The following DBH variants were observed in gnomAD, a reference collection of about 807,000 sequenced individuals.
DBH encodes dopamine beta-hydroxylase (dopamine beta-monooxygenase).
A neutral mutation model predicts 64.0 loss-of-function variants in DBH; 49 were observed. The observed-to-expected ratio is 0.77, with a 90% confidence interval of 0.61 to 0.97. The LOEUF is 0.97. Ranked by LOEUF, DBH falls within the 50% of genes least tolerant of loss-of-function variation. DBH has a pLI of 0.00. For missense variants in DBH, 828 were observed against 826.6 expected (o/e 1.00, Z -0.02); for synonymous variants, 343 against 347.1 (o/e 0.99, Z 0.13).
chr9:133,639,301 G>A (rs1832088991), intron 1 of DBH, among the ~76,000 whole-genome samples: 1 of 151,772 alleles, frequency 6.6e-6, no homozygotes, highest in Non-Finnish European at 1.5e-5. Context: ...TCAGGGTTGT[G>A]CCAGTGCAGG....
At position 133,644,313 on chromosome 9, in the gene DBH, G is replaced by C; in HGVS notation, c.1017G>C (p.Val339=). 2 of 1,613,796 alleles carry C rather than the reference G, an allele frequency of 1.2e-6. No individual in the cohort carries two copies. The highest frequency in any genetic ancestry group is 1.7e-6 in the Non-Finnish European group (2 of 1,179,674). ...RLEVHYHNPL[V]IEGRNDSSGI... is the part of the protein sequence containing the mutation. ...AAGTTCACTACCACAACCCACTGGT[G>C]ATAGAAGGTAGGCGGCTCTGCTGCC... is the stretch of plus-strand genomic sequence containing the variant. Residue 339 remains valine (V), a synonymous_variant, in exon 5 of 12, where the codon GTG becomes GTC. Coordinates refer to ENST00000393056, the MANE Select transcript of DBH (RefSeq NM_000787.4).
chr9:133,639,089 C>CA (rs1832086151), intron 1 of DBH, among the ~76,000 whole-genome samples: 1 of 152,034 alleles, frequency 6.6e-6, no homozygotes, highest in Non-Finnish European at 1.5e-5. Context: ...GCCTAGGCTG[C>CA]AGGGTTTAAA....
chr9:133,651,060 T>A (rs918411548), intron 6 of DBH, among the ~76,000 whole-genome samples: 1 of 152,218 alleles, frequency 6.6e-6, no homozygotes, highest in African/African-American at 2.4e-5. Context: ...ACCTTCCAGT[T>A]GTAGCTACAG....
At chr9:133,658,288 AGT>A in intron 11 of DBH, 26 bp from the exon 12 acceptor site, 4 of 1,613,042 alleles carry the variant, frequency 2.5e-6, no homozygotes, top group Non-Finnish European at 2.5e-6. Flanking sequence ...CTCCAGCCTC[AGT>A]TTACCTCCTG....
At position 133,658,595 on chromosome 9, in the gene DBH, C is replaced by A; in HGVS notation, c.*148C>A. 1 of 937,048 alleles carries A rather than the reference C, an allele frequency of 1.1e-6. No individual in the cohort carries two copies. Among genetic ancestry groups the A allele is most frequent in the Non-Finnish European group, 1.5e-6 (1 of 654,836 alleles). 58.0% of individuals were successfully genotyped at this position (937,048 alleles called of 1,614,324 possible). ...CACGCCCCTGCCTGAGACCACGGTC[C>A]AATCCAGCCTTCTTCCCCCAGGGTC... On this transcript the variant is annotated 3_prime_UTR_variant, in exon 12 of 12. Transcript: ENST00000393056.
chr9:133,652,042 G>A (rs1832255929), intron 7 of DBH, among the ~76,000 whole-genome samples: 1 of 152,186 alleles, frequency 6.6e-6, no homozygotes, highest in South Asian at 2.1e-4. Context: ...TCTTGGTCTT[G>A]GATAACCACC....
At position 133,642,303 on chromosome 9, in the gene DBH, G is replaced by T. The variant is rs145059403; in HGVS notation, c.583G>T (p.Val195Leu). 2 of 1,614,120 alleles carry T rather than the reference G, an allele frequency of 1.2e-6. No homozygotes were observed. The highest frequency in any genetic ancestry group is 1.7e-6 in the Non-Finnish European group (2 of 1,180,012). ...GGGCCTGCAGATGGGGCTGCAGAGGGTGCAGCTCCTGAAGCCCAATATCCC... is the reference window on the plus strand; with the variant it reads ...GGGCCTGCAGATGGGGCTGCAGAGGTTGCAGCTCCTGAAGCCCAATATCCC... Reference protein sequence around the residue: ...GSGLQMGLQRVQLLKPNIPEP... With the variant: ...GSGLQMGLQRLQLLKPNIPEP... The change falls in exon 3 of 12, where the codon GTG becomes TTG. Residue 195 changes from valine (V) to leucine (L), a missense_variant. Val to Leu is a conservative substitution (Grantham distance 32). Transcript: ENST00000393056.
chr9:133,645,261 C>A (rs1381170502), intron 5 of DBH, among the ~76,000 whole-genome samples: 3 of 150,770 alleles, frequency 2.0e-5, no homozygotes, highest in African/African-American at 7.3e-5. Context: ...TTTTTCCTGG[C>A]TGCATAAGTA....
Position 133,639,866 on chromosome 9 carries a change from G to A in DBH, c.360G>A (p.Lys120=). The A allele has an allele frequency of 1.2e-6, 2 of 1,612,094 alleles. No homozygotes were observed. The highest frequency in any genetic ancestry group is 8.5e-7 in the Non-Finnish European group (1 of 1,179,448). The part of the protein sequence containing the change: ...AYFADAWSDQ[K]GQIHLDPQQD... ...TGCAGGACGCCTGGAGTGACCAGAAGGGGCAGATCCACCTGGATCCCCAGC... is the reference window on the plus strand; with the variant it reads ...TGCAGGACGCCTGGAGTGACCAGAAAGGGCAGATCCACCTGGATCCCCAGC... The change falls in exon 2 of 12, where the codon AAG becomes AAA. Residue 120 remains lysine (K), a synonymous_variant. Coordinates refer to ENST00000393056, the MANE Select transcript of DBH (RefSeq NM_000787.4).
In DBH at chr9:133,656,881, G is replaced by A. The variant is rs927144470; in HGVS notation, c.1563-189G>A. On this transcript the variant is annotated intron_variant, in intron 10 of 11. Transcript: ENST00000393056. ...CATTACCCACCCGCCAAGGTGACAG[G>A]AGAGGTGAGGCCGTTGCCGGTGAAG... is the stretch of plus-strand genomic sequence containing the variant. Among the ~76,000 whole-genome samples, 14 of 152,208 alleles carry A rather than the reference G, an allele frequency of 9.2e-5. No homozygotes were observed. In the East Asian group the frequency reaches 2.3e-3, roughly 25 times the overall value.
At chr9:133,653,702 A>G (rs946070649) in intron 9 of DBH, among the ~76,000 whole-genome samples, 5 of 152,220 alleles carry the variant, frequency 3.3e-5, no homozygotes, top group Non-Finnish European at 5.9e-5. Context: ...GACTGCAGAC[A>G]GTTCAAGGAG....
rs938789515 is a variant in DBH, at chr9:133,656,339, G to A, written c.1435-184G>A. Reference sequence around the variant, plus strand: ...TTCCTGGTTGACTCACTCACTCACTGCCTGTCTCTCCTGCCAATGGTGGCA... The same window carrying A: ...TTCCTGGTTGACTCACTCACTCACTACCTGTCTCTCCTGCCAATGGTGGCA... On this transcript the variant is annotated intron_variant, in intron 9 of 11. Transcript: ENST00000393056. 53 of 703,764 alleles carry A rather than the reference G, an allele frequency of 7.5e-5. No homozygotes were observed. In the South Asian group the frequency reaches 8.7e-4, roughly 12 times the overall value. The allele number at this position is 703,764 out of a possible 1,614,324, so 43.6% of individuals were successfully genotyped here.
At chr9:133,658,200 T>G in intron 11 of DBH, 116 bp from the exon 12 acceptor site, 3 of 1,419,076 alleles carry the variant, frequency 2.1e-6, no homozygotes, top group Non-Finnish European at 3.0e-6. Flanking sequence ...GAGTTCAGTT[T>G]GAGACAAGCT....
chr9:133,636,533 C>A lies in DBH; in HGVS notation c.162C>A (p.Asp54Glu). Residue 54 changes from aspartate (D) to glutamate (E), a missense_variant, in exon 1 of 12, where the codon GAC (aspartate) becomes GAA (glutamate). Coordinates refer to ENST00000393056, the MANE Select transcript of DBH (RefSeq NM_000787.4). The part of the protein sequence containing the change: ...ESPLPYHIPL[D>E]PEGSLELSWN... ...CCCTCCCCTATCACATCCCCCTGGA[C>A]CCGGAGGGGTCCCTGGAGCTCTCAT... 4 of 1,613,494 alleles carry A rather than the reference C, an allele frequency of 2.5e-6. No homozygotes were observed. The highest frequency in any genetic ancestry group is 3.4e-6 in the Non-Finnish European group (4 of 1,180,012).
At chr9:133,640,726 C>T (rs946827902) in intron 2 of DBH, among the ~76,000 whole-genome samples, 2 of 152,210 alleles carry the variant, frequency 1.3e-5, no homozygotes, top group African/African-American at 2.4e-5. Flanking sequence ...AGTGACCACA[C>T]GGGAGGCCAG....
chr9:133,647,894 G>A lies in DBH; in HGVS notation c.1073G>A (p.Arg358Gln), dbSNP rs763373839. The A allele has an allele frequency of 9.3e-6, 15 of 1,614,076 alleles. No individual in the cohort carries two copies. The highest frequency in any genetic ancestry group is 8.0e-5 in the African/African-American group (6 of 74,938). ...GIRLYYTAKL[R>Q]RFNAGIMELG... ...CGCTTGTACTACACAGCCAAGCTGCGGCGCTTCAACGCGGGGATCATGGAG... is the reference window on the plus strand; with the variant it reads ...CGCTTGTACTACACAGCCAAGCTGCAGCGCTTCAACGCGGGGATCATGGAG... Residue 358 changes from arginine (R) to glutamine (Q), a missense_variant, in exon 6 of 12, where the codon CGG becomes CAG. By Grantham distance (43) the Arg-to-Gln change is conservative (BLOSUM62 1). Coordinates refer to ENST00000393056, the MANE Select transcript of DBH (RefSeq NM_000787.4).
intron 11 of DBH, 67 bp from the exon 12 acceptor site, chr9:133,658,249 G>A (rs1832360725): frequency 6.3e-7 from 1 of 1,597,048 alleles, no homozygotes; most frequent in Non-Finnish European, 8.6e-7. Context: ...GCTGGGAAGT[G>A]GCTGGGGAAG....
intron 8 of DBH, 32 bp from the exon 9 acceptor site, chr9:133,652,908 A>AG (rs766121896): frequency 1.3e-6 from 2 of 1,584,044 alleles, no homozygotes; most frequent in Non-Finnish European, 1.7e-6. Flanking sequence ...GCCAGGTGGC[A>AG]GGTGCTGATG....
Position 133,649,354 on chromosome 9 carries a change from A to G in DBH, c.1191+1342A>G, listed in dbSNP as rs542035335. 1.7e-3 allele frequency among the ~76,000 whole-genome samples: 252 copies of G among 152,310 alleles called. 1 individual carries two copies. The highest frequency in any genetic ancestry group is 5.7e-3 in the African/African-American group (238 of 41,568). On this transcript the variant is annotated intron_variant, in intron 6 of 11. Transcript: ENST00000393056. ...TGACCTGCAAAGTAAGTGTTGACGT[A>G]CCCATTTCACAGATGGGGAGACTGA...
Sources: allele counts gnomAD v4.1 joint callset (sites outside exome capture counted in the v4.1 genomes callset), GRCh38; gene constraint gnomAD v4.1.1; transcripts MANE v1.5; gene names NCBI Gene and HGNC (gene_info 2026-07-23, HGNC 2026-07-21).